The following RPTN variants were observed in gnomAD, a reference collection of about 807,000 sequenced individuals.
The protein encoded by RPTN is repetin.
Under a neutral mutation model 3.6 loss-of-function variants are expected in RPTN, and 4 were observed. The ratio of observed to expected loss-of-function variants is 1.12; its 90% CI spans 0.55 to 2.55. The LOEUF is 2.55. RPTN is among the 30% of genes most tolerant of loss of function. The pLI is 0.02. For missense variants in RPTN, 860 were observed against 916.7 expected, an observed-to-expected ratio of 0.94 and a Z score of 0.80; for synonymous variants, 293 against 319.3, an observed-to-expected ratio of 0.92 and a Z score of 0.88.
Position 152,156,178 on chromosome 1 carries a change from A to G in RPTN, c.921T>C (p.Tyr307=), listed in dbSNP as rs1415879597. 4 of 1,613,344 alleles carry G rather than the reference A, an allele frequency of 2.5e-6. No individual in the cohort carries two copies. The East Asian group carries it at 8.9e-5, about 36-fold the overall frequency. The change falls in exon 3 of 3, where the codon TAT becomes TAC. Residue 307 remains tyrosine (Y), a synonymous_variant. Coordinates refer to ENST00000316073, the MANE Select transcript of RPTN (RefSeq NM_001122965.1). ...QTDRQDQSYH[Y]GQTDRQGQSS... is the part of the protein sequence containing the mutation. The stretch of plus-strand genomic sequence containing the variant: ...TCTGGCCTTGTCTGTCTGTCTGACC[A>G]TAATGATAACTCTGGTCTTGTCTGT...
In RPTN at chr1:152,155,835, C is replaced by A. The variant is rs745342849; in HGVS notation, c.1264G>T (p.Gly422Cys). The change falls in exon 3 of 3, where the codon GGC (glycine) becomes TGC (cysteine). Residue 422 changes from glycine to cysteine, a missense_variant. Transcript: ENST00000316073. Reference protein sequence around the residue: ...SSHYSQMDRQGQGSHYGQTDR... With the variant: ...SSHYSQMDRQCQGSHYGQTDR... ...GTCTGACCGTAGTGAGAACCCTGGC[C>A]TTGTCGGTCCATCTGACTGTAGTGG... 2 of 1,610,044 alleles carry A rather than the reference C, an allele frequency of 1.2e-6. No individual in the cohort carries two copies. The highest frequency in any genetic ancestry group is 1.7e-6 in the Non-Finnish European group (2 of 1,178,390).
chr1:152,155,229 G>C lies in RPTN; in HGVS notation c.1870C>G (p.Pro624Ala), dbSNP rs762086493. ...TGGTTTTGGTACCCTTCCTGTCCTG[G>C]AGTCTGTTGACTTAGCCTCCCTGAT... Reference protein sequence around the residue: ...GRSGRLSQQTPGQEGYQNQGQ... With the variant: ...GRSGRLSQQTAGQEGYQNQGQ... Residue 624 changes from proline (P) to alanine (A), a missense_variant, in exon 3 of 3, where the codon CCA becomes GCA. Transcript: ENST00000316073. The C allele has an allele frequency of 1.9e-6, 3 of 1,614,200 alleles. No individual in the cohort carries two copies.
At position 152,154,745 on chromosome 1, in the gene RPTN, C is replaced by T. The variant is rs778920776; in HGVS notation, c.2354G>A (p.Ter785=). The change falls in exon 3 of 3, where the codon TGA becomes TAA. Residue 785 remains the stop codon, a stop_retained_variant. Transcript: ENST00000316073. ...ATCCTCTTCATGAGTTTGCCTGTCT[C>T]ATCTCTGATGGTTCTGCTCGTCTTC... The part of the protein sequence containing the change: ...THEDEQNHQR[*] The T allele has an allele frequency of 6.2e-6, 10 of 1,613,770 alleles. No homozygotes were observed. The Admixed American group carries it at 1.0e-4, about 16-fold the overall frequency.
In RPTN at chr1:152,154,388, T is replaced by A. The variant is rs1425062231; in HGVS notation, c.*356A>T. ...CGACATATAGGTTTCTTTTTTGGCT[T>A]TGTGTTGCTTTACCTCTGGTGCTCA... On this transcript the variant is annotated 3_prime_UTR_variant, in exon 3 of 3. Transcript: ENST00000316073. 3.4e-6 allele frequency: 1 copy of A among 292,188 alleles called. No individual in the cohort carries two copies. The allele number at this position is 292,188 out of a possible 1,614,324, so 18.1% of individuals were successfully genotyped here.
Position 152,155,081 on chromosome 1 carries a change from C to T in RPTN, c.2018G>A (p.Cys673Tyr). Residue 673 changes from cysteine to tyrosine, a missense_variant, in exon 3 of 3, where the codon TGT (cysteine) becomes TAT (tyrosine). Cys to Tyr is a radical substitution (Grantham distance 194). Transcript: ENST00000316073. ...TGATTGCCAGTCTCTCCCTTTGTGACAAAGTGGTCTTTCTTGTTGGATTTG... is the reference window on the plus strand; with the variant it reads ...TGATTGCCAGTCTCTCCCTTTGTGATAAAGTGGTCTTTCTTGTTGGATTTG... The part of the protein sequence containing the change: ...LAQIQQERPL[C>Y]HKGRDWQSCS... 1 of 1,614,164 alleles carries T rather than the reference C, an allele frequency of 6.2e-7. No homozygotes were observed. The highest frequency in any genetic ancestry group is 1.7e-5 in the Admixed American group (1 of 60,022).
intron 2 of RPTN, 82 bp from the exon 3 acceptor site, chr1:152,157,042 C>G (rs1372326774): frequency 1.1e-5 from 14 of 1,234,664 alleles, no homozygotes; most frequent in Non-Finnish European, 1.5e-5. Context: ...TGCCCCAATC[C>G]ATTCGGTGCT....
rs1317603543 is a variant in RPTN at position 152,154,919 on chromosome 1, C to G, written c.2180G>C (p.Gly727Ala). The change falls in exon 3 of 3, where the codon GGG becomes GCG. Residue 727 changes from glycine to alanine, a missense_variant. Physicochemically the swap from Gly to Ala is moderately conservative, Grantham distance 60. Coordinates refer to ENST00000316073, the MANE Select transcript of RPTN (RefSeq NM_001122965.1). ...HSHESQEGPC[G>A]TQDRRTHKDE... ...TTTATGGGTTCGCCTGTCCTGTGTC[C>G]CACATGGACCTTCCTGACTCTCATG... The G allele has an allele frequency of 6.2e-7, 1 of 1,614,070 alleles. No individual in the cohort carries two copies. The highest frequency in any genetic ancestry group is 8.5e-7 in the Non-Finnish European group (1 of 1,180,022).
Position 152,155,220 on chromosome 1 carries a change from C to T in RPTN, c.1879G>A (p.Glu627Lys). Residue 627 changes from glutamate (E) to lysine (K), a missense_variant, in exon 3 of 3, where the codon GAA (glutamate) becomes AAA (lysine). Glu to Lys is a moderately conservative substitution (Grantham distance 56). Coordinates refer to ENST00000316073, the MANE Select transcript of RPTN (RefSeq NM_001122965.1). ...CCCTGTCCCTGGTTTTGGTACCCTTCCTGTCCTGGAGTCTGTTGACTTAGC... is the reference window on the plus strand; with the variant it reads ...CCCTGTCCCTGGTTTTGGTACCCTTTCTGTCCTGGAGTCTGTTGACTTAGC... ...GRLSQQTPGQ[E>K]GYQNQGQGFQ... The T allele has an allele frequency of 1.2e-6, 2 of 1,614,210 alleles. No individual in the cohort carries two copies. The highest frequency in any genetic ancestry group is 1.7e-6 in the Non-Finnish European group (2 of 1,180,040).
intron 1 of RPTN, 113 bp downstream of exon 1, chr1:152,159,071 T>TA (rs1194941070): frequency 6.6e-6 from 1 of 152,630 alleles, no homozygotes; most frequent in Non-Finnish European, 1.5e-5. Context: ...AAGCAGAAGG[T>TA]AACCAAAGCT....
intron 1 of RPTN, among the ~76,000 whole-genome samples, 157 bp from the exon 2 acceptor site, chr1:152,158,066 G>T (rs1659242404): frequency 6.6e-6 from 1 of 152,016 alleles, no homozygotes; most frequent in Admixed American, 6.6e-5. Context: ...TCACAGTCGG[G>T]GACCAAATCT....
intron 1 of RPTN, among the ~76,000 whole-genome samples, chr1:152,158,618 T>C (rs1659251341): frequency 6.6e-6 from 1 of 152,242 alleles, no homozygotes; most frequent in South Asian, 2.1e-4. Context: ...GACTTGGGTC[T>C]TTTGGGATCT....
In RPTN at chr1:152,156,929, A is replaced by T. The variant is rs200282084; in HGVS notation, c.170T>A (p.Ile57Asn). Residue 57 changes from isoleucine (I) to asparagine (N), a missense_variant, in exon 3 of 3, where the codon ATC (isoleucine) becomes AAC (asparagine). Transcript: ENST00000316073. Reference sequence around the variant, plus strand: ...TCGGTCTTGATCTAAGAGGTTCAAGATGGTTTCCACAGTCTCTGGGTCATT... The same window carrying T: ...TCGGTCTTGATCTAAGAGGTTCAAGTTGGTTTCCACAGTCTCTGGGTCATT... ...RPNDPETVET[I>N]LNLLDQDRDG... 2.9e-3 allele frequency: 4,710 copies of T among 1,614,060 alleles called. 9 individuals carry two copies. Among genetic ancestry groups the T allele is most frequent in the Non-Finnish European group, 3.6e-3 (4,248 of 1,179,966 alleles).
At chr1:152,157,346 A>G (rs1659225706) in intron 2 of RPTN, among the ~76,000 whole-genome samples, 1 of 152,166 alleles carries the variant, frequency 6.6e-6, no homozygotes, top group South Asian at 2.1e-4. Context: ...CCTTGTGCCT[A>G]GGGGCATAGA....
rs1481426252 is a variant in RPTN at position 152,155,159 on chromosome 1, T to A, written c.1940A>T (p.Gln647Leu). 1 of 1,614,066 alleles carries A rather than the reference T, an allele frequency of 6.2e-7. No homozygotes were observed. The highest frequency in any genetic ancestry group is 8.5e-7 in the Non-Finnish European group (1 of 1,180,026). ...GCTATCCTCTTCAGGCTCCCATACC[T>A]GGTGGCCGTTCTGCTGTGAGTCCCT... The part of the protein sequence containing the change: ...QSRDSQQNGH[Q>L]VWEPEEDSQH... Residue 647 changes from glutamine (Q) to leucine (L), a missense_variant, in exon 3 of 3, where the codon CAG becomes CTG. Physicochemically the swap from Gln to Leu is moderately radical, Grantham distance 113. Transcript: ENST00000316073.
intron 1 of RPTN, among the ~76,000 whole-genome samples, chr1:152,158,272 G>A (rs761783160): frequency 4.6e-5 from 7 of 152,180 alleles, no homozygotes; most frequent in Non-Finnish European, 1.0e-4. Flanking sequence ...AGGAATAGAA[G>A]CCAGCATAGT....
rs1200126111 is a variant in RPTN, at chr1:152,155,622, G to A, written c.1477C>T (p.Gln493Ter). The A allele has an allele frequency of 1.2e-5, 19 of 1,596,662 alleles. No individual in the cohort carries two copies. The highest frequency in any genetic ancestry group is 1.5e-5 in the Non-Finnish European group (17 of 1,167,528). Reference protein sequence around the residue: ...QSSHYGKIDRQDQSYHYGQPD... With the variant: ...QSSHYGKIDR ...TGACCATAATGATAACTCTGGTCTT[G>A]TCTGTCTATCTTACCATAGTGGGAA... The change falls in exon 3 of 3, where the codon CAA (glutamine) becomes TAA (stop). Residue 493 changes from glutamine to a stop codon, truncating the protein, a stop_gained. Coordinates refer to ENST00000316073, the MANE Select transcript of RPTN (RefSeq NM_001122965.1). LOFTEE classifies it low-confidence loss of function (END_TRUNC).
chr1:152,156,490 G>T lies in RPTN; in HGVS notation c.609C>A (p.Asp203Glu), dbSNP rs771958875. 1.2e-6 allele frequency: 2 copies of T among 1,614,240 alleles called. No homozygotes were observed. The highest frequency in any genetic ancestry group is 1.7e-5 in the Admixed American group (1 of 60,024). ...GACTCACTTTTTTACCAGAGCTGGA[G>T]TCTTGACTTTGTCTCTCTGACTGAT... ...SFDQSERQSQ[D>E]SSSGKKVSHK... Residue 203 changes from aspartate (D) to glutamate (E), a missense_variant, in exon 3 of 3, where the codon GAC becomes GAA. By Grantham distance (45) the Asp-to-Glu change is conservative. Transcript: ENST00000316073.
At chr1:152,157,034 C>A in intron 2 of RPTN, 74 bp from the exon 3 acceptor site, 1 of 1,320,930 alleles carries the variant, frequency 7.6e-7, no homozygotes, top group Non-Finnish European at 1.1e-6. Flanking sequence ...AGTGTTCATG[C>A]CCCAATCCAT....
Position 152,155,998 on chromosome 1 carries a change from G to A in RPTN, c.1101C>T (p.Tyr367=), listed in dbSNP as rs1659192650. The A allele has an allele frequency of 6.2e-7, 1 of 1,612,868 alleles. No individual in the cohort carries two copies. The highest frequency in any genetic ancestry group is 8.5e-7 in the Non-Finnish European group (1 of 1,179,802). Residue 367 remains tyrosine (Y), a synonymous_variant, in exon 3 of 3, where the codon TAC becomes TAT. Transcript: ENST00000316073. Reference sequence around the variant, plus strand: ...TCTGACCTTGTCTGTTTGGTTGACTGTAGTGGGAACCCTGGCCTTGTCTGT... The same window carrying A: ...TCTGACCTTGTCTGTTTGGTTGACTATAGTGGGAACCCTGGCCTTGTCTGT... ...QTNRQGQGSH[Y]SQPNRQGQSS...
Sources: allele counts gnomAD v4.1 joint callset (sites outside exome capture counted in the v4.1 genomes callset), GRCh38; gene constraint gnomAD v4.1.1; transcripts MANE v1.5; gene names NCBI Gene and HGNC (gene_info 2026-07-23, HGNC 2026-07-21).